RNF38: variants seen among roughly 807,000 people sequenced by gnomAD.
RNF38 encodes the protein ring finger protein 38, also known as E3 ubiquitin-protein ligase RNF38.
RNF38 carries 15 observed loss-of-function variants against 67.2 expected under a neutral mutation model. That is an observed-to-expected ratio of 0.22 (90% CI 0.15 to 0.34). The LOEUF (loss-of-function observed/expected upper bound fraction) is 0.34, where lower values mean the gene tolerates loss of function less well. RNF38 is among the 10% of genes least tolerant of loss of function. The pLI is 1.00. For synonymous variants in RNF38, 220 were observed against 218.8 expected, an observed-to-expected ratio of 1.01 and a Z score of -0.05; for missense variants, 524 against 639.9, an observed-to-expected ratio of 0.82 and a Z score of 1.95.
At chr9:36,435,623 GT>G (rs777322436) in intron 1 of RNF38, among the ~76,000 whole-genome samples, 514 of 141,764 alleles carry the variant, frequency 3.6e-3, no homozygotes, top group African/African-American at 9.9e-3. Flanking sequence ...GTGAATGGAG[GT>G]TTTTTTTTTT....
chr9:36,400,015 T>C lies in RNF38; in HGVS notation c.12+82A>G, dbSNP rs565698827. The stretch of plus-strand genomic sequence containing the variant: ...GGCAATAATTACATGTGTGTGTTTC[T>C]ACTTACGGTAGAATTAGCATACCCA... On this transcript the variant is annotated intron_variant, in intron 1 of 11. Transcript: ENST00000259605. 7.1e-6 allele frequency: 9 copies of C among 1,260,764 alleles called. No homozygotes were observed. The South Asian group carries it at 7.6e-5, about 11-fold the overall frequency. The allele number at this position is 1,260,764 out of a possible 1,614,324, so 78.1% of individuals were successfully genotyped here. A position where few individuals can be genotyped will look rare whatever the true frequency, so the allele number is the denominator to read the frequency against.
chr9:36,355,450 C>T (rs1834029229), intron 6 of RNF38, among the ~76,000 whole-genome samples: 2 of 152,186 alleles, frequency 1.3e-5, no homozygotes, highest in South Asian at 4.1e-4. Context: ...AGTCCCAAGA[C>T]AGAATTAACT....
At chr9:36,459,525 T>G (rs1215897794) in intron 1 of RNF38, among the ~76,000 whole-genome samples, 4 of 152,200 alleles carry the variant, frequency 2.6e-5, no homozygotes, top group Admixed American at 1.3e-4. Flanking sequence ...CACAATTTTA[T>G]AAGCTGTGAA....
At chr9:36,349,104 T>C (rs1398867126) in intron 9 of RNF38, among the ~76,000 whole-genome samples, 2 of 152,204 alleles carry the variant, frequency 1.3e-5, no homozygotes, top group African/African-American at 2.4e-5. Context: ...GTTTACAGTA[T>C]GGTTTATGGA....
chr9:36,400,575 T>C, upstream of RNF38: 1 of 986,960 alleles, frequency 1.0e-6, no homozygotes, highest in Non-Finnish European at 1.2e-6. Flanking sequence ...GGCTCCGCCC[T>C]GCCGGGCAGC....
chr9:36,479,773 CA>C (rs1373614943), intron 1 of RNF38, among the ~76,000 whole-genome samples: 2 of 151,860 alleles, frequency 1.3e-5, no homozygotes, highest in African/African-American at 4.8e-5. Context: ...TAAGATAGCA[CA>C]AAAGCCAAAT....
chr9:36,343,611 G>A (rs1398339159), intron 10 of RNF38, among the ~76,000 whole-genome samples: 4 of 151,924 alleles, frequency 2.6e-5, no homozygotes, highest in Admixed American at 1.3e-4. Context: ...AATATAGAGT[G>A]ATTCAAAGCC....
At chr9:36,454,146 C>CAA (rs1839527876) in intron 1 of RNF38, among the ~76,000 whole-genome samples, 1 of 149,622 alleles carries the variant, frequency 6.7e-6, no homozygotes, top group African/African-American at 2.5e-5. Flanking sequence ...TTTTTTGAGA[C>CAA]AGAGTCTCAC....
At chr9:36,342,728 C>T (rs1036401783) in intron 10 of RNF38, among the ~76,000 whole-genome samples, 9 of 151,946 alleles carry the variant, frequency 5.9e-5, no homozygotes, top group African/African-American at 2.2e-4. Context: ...AAGGTGGACC[C>T]CTACCTCATA....
intron 4 of RNF38, among the ~76,000 whole-genome samples, chr9:36,367,887 T>C (rs1367950241): frequency 7.2e-5 from 11 of 152,246 alleles, no homozygotes; most frequent in Admixed American, 7.2e-4. Flanking sequence ...AGTCTCGCTC[T>C]GTTGCCCAGG....
At chr9:36,400,888 GGCCACGCCCCTCCCC>G, upstream of RNF38, 1 of 953,812 alleles carries the variant, frequency 1.0e-6, no homozygotes, top group Middle Eastern at 5.3e-4. Flanking sequence ...GGCCCGGCCC[GGCCACGCCCCTCCCC>G]GCCCCGCCGC....
chr9:36,370,749 A>G (rs1204707351), intron 3 of RNF38, among the ~76,000 whole-genome samples: 1 of 152,022 alleles, frequency 6.6e-6, no homozygotes, highest in Non-Finnish European at 1.5e-5. Flanking sequence ...CTACCCCAAA[A>G]TACAAAAAAT....
At chr9:36,372,465 G>T in intron 3 of RNF38, 5 of 658,260 alleles carry the variant, frequency 7.6e-6, no homozygotes, top group South Asian at 1.7e-5. Flanking sequence ...CACTTCATTC[G>T]TTTTTTTCAA....
chr9:36,379,064 C>T (rs1836005731), intron 2 of RNF38, among the ~76,000 whole-genome samples: 1 of 152,082 alleles, frequency 6.6e-6, no homozygotes, highest in African/African-American at 2.4e-5. Context: ...CCATGCCTGG[C>T]TAATTTCATA....
intron 1 of RNF38, among the ~76,000 whole-genome samples, chr9:36,450,532 G>C (rs1469919576): frequency 6.6e-6 from 1 of 152,122 alleles, no homozygotes; most frequent in Non-Finnish European, 1.5e-5. Flanking sequence ...GAATTTCAGG[G>C]AACAATTTTA....
intron 4 of RNF38, 104 bp from the exon 5 acceptor site, chr9:36,358,046 G>A (rs992495866): frequency 1.2e-5 from 10 of 849,754 alleles, no homozygotes; most frequent in African/African-American, 6.7e-5. Context: ...TCAGCTACAC[G>A]GATTTTCACA....
Position 36,336,532 on chromosome 9 carries a change from CTT to C in RNF38, c.*3218_*3219del, listed in dbSNP as rs1268540988. Reference sequence around the variant, plus strand: ...GTAACTTTCATAAAAAATGTACAAACTTTGTTAAAAATTTATCAAGCCTTCAA... The same window carrying C: ...GTAACTTTCATAAAAAATGTACAAACTGTTAAAAATTTATCAAGCCTTCAA... On this transcript the variant is annotated 3_prime_UTR_variant, in exon 12 of 12. Transcript: ENST00000259605. 3 of 152,472 alleles carry C rather than the reference CTT, an allele frequency of 2.0e-5. No individual in the cohort carries two copies. The highest frequency in any genetic ancestry group is 4.8e-5 in the African/African-American group (2 of 41,378). The allele number at this position is 152,472 out of a possible 1,614,324, so 9.4% of individuals were successfully genotyped here.
At chr9:36,368,659 G>C (rs1443743354) in intron 4 of RNF38, among the ~76,000 whole-genome samples, 1 of 151,964 alleles carries the variant, frequency 6.6e-6, no homozygotes, top group African/African-American at 2.4e-5. Flanking sequence ...ATTTTTAAGT[G>C]TTTCATGAAC....
rs1007177035 is a variant in RNF38 at position 36,344,762 on chromosome 9, G to A, written c.1385+70C>T. 6.2e-6 allele frequency: 9 copies of A among 1,453,876 alleles called. No individual in the cohort carries two copies. The African/African-American group carries it at 9.9e-5, about 16-fold the overall frequency. The allele number at this position is 1,453,876 out of a possible 1,614,324, so 90.1% of individuals were successfully genotyped here. A position where few individuals can be genotyped will look rare whatever the true frequency, so the allele number is the denominator to read the frequency against. On this transcript the variant is annotated intron_variant, in intron 10 of 11. Transcript: ENST00000259605. ...TTCCTCTCCCAACTTTTACCTTAAT[G>A]ACTCTTAAGCTTTTATTTCATAAAG...
Sources: gnomAD v4.1 joint callset for allele counts (sites outside exome capture counted in the v4.1 genomes callset) on GRCh38, gnomAD v4.1.1 for gene constraint, MANE v1.5 for transcripts, NCBI Gene and HGNC (gene_info 2026-07-23, HGNC 2026-07-21) for gene names.